The following RALGAPA2 variants were observed in gnomAD, a reference collection of about 807,000 sequenced individuals.
RALGAPA2 encodes Ral GTPase activating protein catalytic subunit alpha 2, also known as ral GTPase-activating protein subunit alpha-2.
A neutral mutation model predicts 230.4 loss-of-function variants in RALGAPA2; 139 were observed. The ratio of observed to expected loss-of-function variants is 0.60; its 90% CI spans 0.53 to 0.69. RALGAPA2 has a LOEUF of 0.69. Among genes scored for constraint, RALGAPA2 ranks in the 30% least tolerant of loss-of-function variants. The probability of loss-of-function intolerance (pLI) is 0.00; values close to 1 mark genes in which losing one functional copy is unlikely to be tolerated. For synonymous variants in RALGAPA2, 847 were observed against 837.8 expected, an observed-to-expected ratio of 1.01 and a Z score of -0.19; for missense variants, 2,163 against 2,276.0, an observed-to-expected ratio of 0.95 and a Z score of 1.01.
At chr20:20,682,024 C>T (rs2068538463) in intron 1 of RALGAPA2, among the ~76,000 whole-genome samples, 1 of 152,190 alleles carries the variant, frequency 6.6e-6, no homozygotes, top group Non-Finnish European at 1.5e-5. Context: ...TGTGAACATA[C>T]ATATTATGAT....
intron 23 of RALGAPA2, among the ~76,000 whole-genome samples, chr20:20,554,750 T>C (rs922993284): frequency 2.6e-5 from 4 of 152,170 alleles, no homozygotes; most frequent in Non-Finnish European, 4.4e-5. Context: ...GCAATCCACC[T>C]GTATCAGCCT....
chr20:20,465,148 TTCACACACACACACAC>T (rs2061388371), intron 37 of RALGAPA2, among the ~76,000 whole-genome samples: 1 of 10,452 alleles, frequency 9.6e-5, no homozygotes, highest in Non-Finnish European at 2.7e-4. Flanking sequence ...CCCGCAGGCC[TTCACACACACACACAC>T]ACACACACAC....
chr20:20,439,560 A>G (rs2060690862), intron 37 of RALGAPA2, among the ~76,000 whole-genome samples: 1 of 152,170 alleles, frequency 6.6e-6, no homozygotes. Context: ...CTAAATACCC[A>G]ACAGGAAACA....
intron 37 of RALGAPA2, among the ~76,000 whole-genome samples, chr20:20,431,025 A>AG (rs1379963340): frequency 5.3e-5 from 8 of 152,138 alleles, no homozygotes; most frequent in Non-Finnish European, 7.4e-5. Flanking sequence ...CAAATGTGCA[A>AG]GGCATCATGA....
At position 20,591,171 on chromosome 20, in the gene RALGAPA2, A is replaced by G; in HGVS notation, c.2341+6T>C. Reference sequence around the variant, plus strand: ...TTCTGTATTAAACACTGAAGACATCATGTACCCTGAGAAGAATCTGAGCAC... The same window carrying G: ...TTCTGTATTAAACACTGAAGACATCGTGTACCCTGAGAAGAATCTGAGCAC... On this transcript the variant is annotated splice_donor_region_variant and intron_variant, in intron 17 of 39. Transcript: ENST00000202677. 1 of 1,612,124 alleles carries G rather than the reference A, an allele frequency of 6.2e-7. No individual in the cohort carries two copies. The highest frequency in any genetic ancestry group is 8.5e-7 in the Non-Finnish European group (1 of 1,179,108).
intron 31 of RALGAPA2, among the ~76,000 whole-genome samples, chr20:20,516,216 C>G (rs2062866297): frequency 1.3e-5 from 2 of 152,236 alleles, no homozygotes; most frequent in African/African-American, 4.8e-5. Context: ...CTGCTCAACC[C>G]TATCCCCACC....
At chr20:20,692,469 G>A (rs1346779943) in intron 1 of RALGAPA2, among the ~76,000 whole-genome samples, 1 of 152,010 alleles carries the variant, frequency 6.6e-6, no homozygotes, top group Non-Finnish European at 1.5e-5. Context: ...TCCTAATAGA[G>A]CCTCCATTTG....
In RALGAPA2 at chr20:20,524,874, G is replaced by T. The variant is rs781163753; in HGVS notation, c.3718C>A (p.Leu1240Ile). Residue 1240 changes from leucine (L) to isoleucine (I), a missense_variant, in exon 29 of 40, where the codon CTT becomes ATT. Physicochemically the swap from Leu to Ile is conservative, Grantham distance 5 (BLOSUM62 2). Transcript: ENST00000202677. Reference protein sequence around the residue: ...AEILVATVAFLLPSAEYSSVE... With the variant: ...AEILVATVAFILPSAEYSSVE... Reference sequence around the variant, plus strand: ...GAGGAGTACTCTGCACTTGGTAAAAGAAAAGCAACTGTGGCCACGAGGATC... The same window carrying T: ...GAGGAGTACTCTGCACTTGGTAAAATAAAAGCAACTGTGGCCACGAGGATC... 1.9e-6 allele frequency: 3 copies of T among 1,609,820 alleles called. No homozygotes were observed. Among genetic ancestry groups the T allele is most frequent in the Non-Finnish European group, 2.5e-6 (3 of 1,178,074 alleles).
rs2062608683 is a variant in RALGAPA2, at chr20:20,508,686, T to G, written c.4928+2568A>C. On this transcript the variant is annotated intron_variant, in intron 33 of 39. Transcript: ENST00000202677. The stretch of plus-strand genomic sequence containing the variant: ...AAACAGAAATGTTCTAAATGAAAGT[T>G]GACAGACAAGGTATTTTCTTACCTG... 2.6e-5 allele frequency among the ~76,000 whole-genome samples: 4 copies of G among 152,242 alleles called. No individual in the cohort carries two copies. In the South Asian group the frequency reaches 8.3e-4, roughly 31 times the overall value.
At chr20:20,646,230 AT>A (rs931957127) in intron 4 of RALGAPA2, among the ~76,000 whole-genome samples, 1 of 151,990 alleles carries the variant, frequency 6.6e-6, no homozygotes. Flanking sequence ...AATTTTTTGT[AT>A]TTTAGTAGAC....
chr20:20,401,703 T>C (rs1197279380), intron 38 of RALGAPA2, among the ~76,000 whole-genome samples: 1 of 152,170 alleles, frequency 6.6e-6, no homozygotes, highest in African/African-American at 2.4e-5. Flanking sequence ...TCTAGGTATT[T>C]GTGTGAGGTG....
At position 20,472,878 on chromosome 20, in the gene RALGAPA2, T is replaced by C. The variant is rs1193986426; in HGVS notation, c.5446A>G (p.Ile1816Val). 1 of 1,613,690 alleles carries C rather than the reference T, an allele frequency of 6.2e-7. No homozygotes were observed. Among genetic ancestry groups the C allele is most frequent in the Non-Finnish European group, 8.5e-7 (1 of 1,179,702 alleles). Residue 1816 changes from isoleucine (I) to valine (V), a missense_variant, in exon 37 of 40, where the codon ATC (isoleucine) becomes GTC (valine). Transcript: ENST00000202677. ...LLPSLVCATCINASRAVKCLI... is the reference protein window; with the variant it reads ...LLPSLVCATCVNASRAVKCLI... Reference sequence around the variant, plus strand: ...CACTTCACAGCCCTGCTGGCGTTGATGCACGTGGCACATACAAGGCTTGGC... The same window carrying C: ...CACTTCACAGCCCTGCTGGCGTTGACGCACGTGGCACATACAAGGCTTGGC...
At chr20:20,573,710 CT>C (rs1341397538) in intron 20 of RALGAPA2, among the ~76,000 whole-genome samples, 2 of 152,136 alleles carry the variant, frequency 1.3e-5, no homozygotes, top group Admixed American at 1.3e-4. Context: ...AGTTTGTAGC[CT>C]GTCTGGTTTC....
chr20:20,575,497 T>A (rs532356630), intron 20 of RALGAPA2, among the ~76,000 whole-genome samples: 2 of 151,940 alleles, frequency 1.3e-5, no homozygotes, highest in East Asian at 3.9e-4. Context: ...CAAGACAGCA[T>A]CTCTGCACTC....
At chr20:20,513,368 G>A in intron 31 of RALGAPA2, 84 bp from the exon 32 acceptor site, 1 of 1,140,422 alleles carries the variant, frequency 8.8e-7, no homozygotes, top group Non-Finnish European at 1.1e-6. Flanking sequence ...TGGGGGGCAG[G>A]GGGCAGTTCC....
At chr20:20,704,526 A>T (rs955060011) in intron 1 of RALGAPA2, among the ~76,000 whole-genome samples, 4 of 152,226 alleles carry the variant, frequency 2.6e-5, no homozygotes, top group African/African-American at 9.6e-5. Context: ...CTCAGGACTC[A>T]TGGGCTTCCT....
chr20:20,443,707 T>C (rs2060794248), intron 37 of RALGAPA2, among the ~76,000 whole-genome samples: 1 of 152,200 alleles, frequency 6.6e-6, no homozygotes, highest in Non-Finnish European at 1.5e-5. Context: ...CTTGAGGAAG[T>C]CATGTGACTC....
At chr20:20,420,600 C>T (rs574870340) in intron 37 of RALGAPA2, among the ~76,000 whole-genome samples, 9 of 152,046 alleles carry the variant, frequency 5.9e-5, no homozygotes, top group East Asian at 1.9e-4. Context: ...CACACCCTGG[C>T]GTGGAGGGAA....
chr20:20,475,970 T>C (rs1165019313), intron 36 of RALGAPA2, among the ~76,000 whole-genome samples: 1 of 152,164 alleles, frequency 6.6e-6, no homozygotes, highest in Non-Finnish European at 1.5e-5. Flanking sequence ...GGAAAAGACA[T>C]GTAAAAATGT....
Sources: allele counts gnomAD v4.1 joint callset (sites outside exome capture counted in the v4.1 genomes callset), GRCh38; gene constraint gnomAD v4.1.1; transcripts MANE v1.5; gene names NCBI Gene and HGNC (gene_info 2026-07-23, HGNC 2026-07-21).